CTNNA3: variants seen among roughly 807,000 people sequenced by gnomAD.
The protein encoded by CTNNA3 is catenin alpha-3.
Under a neutral mutation model 95.7 loss-of-function variants are expected in CTNNA3, and 76 were observed. The observed-to-expected ratio is 0.79, with a 90% CI of 0.66 to 0.96. CTNNA3 has a LOEUF of 0.96. CTNNA3 is among the 40% of genes least tolerant of loss of function. The pLI is 0.00. For synonymous variants in CTNNA3, 431 were observed against 374.4 expected (o/e 1.15, Z -1.74); for missense variants, 1,191 against 1,089.8 (o/e 1.09, Z -1.31).
chr10:66,099,207 G>A lies in CTNNA3; in HGVS notation c.1977+3950C>T, dbSNP rs1169430934. Among the ~76,000 whole-genome samples the A allele has an allele frequency of 3.3e-5, 5 of 152,168 alleles. No individual in the cohort carries two copies. In the East Asian group the frequency reaches 7.7e-4, roughly 23 times the overall value. On this transcript the variant is annotated intron_variant, in intron 14 of 17. Transcript: ENST00000433211. Reference sequence around the variant, plus strand: ...GAAATCCATTTACTCATCTTGTGCTGTGACCCCAAATTCCACACTGAGCAT... The same window carrying A: ...GAAATCCATTTACTCATCTTGTGCTATGACCCCAAATTCCACACTGAGCAT...
chr10:67,715,330 A>T (rs1485024453), intron 1 of CTNNA3, among the ~76,000 whole-genome samples: 1 of 152,144 alleles, frequency 6.6e-6, no homozygotes, highest in African/African-American at 2.4e-5. Context: ...CAATTTTAGC[A>T]ATGAACAGTG....
intron 7 of CTNNA3, among the ~76,000 whole-genome samples, chr10:67,051,624 T>C (rs1477058336): frequency 6.6e-6 from 1 of 152,052 alleles, no homozygotes; most frequent in Non-Finnish European, 1.5e-5. Context: ...TGAGATGGTC[T>C]TGATCTTTTG....
At chr10:66,760,018 C>T (rs1265621433) in intron 9 of CTNNA3, among the ~76,000 whole-genome samples, 1 of 152,048 alleles carries the variant, frequency 6.6e-6, no homozygotes, top group African/African-American at 2.4e-5. Context: ...GGGGCACTTG[C>T]TTTTCTGTTT....
chr10:67,401,212 C>A (rs977051403), intron 5 of CTNNA3, among the ~76,000 whole-genome samples: 1 of 152,170 alleles, frequency 6.6e-6, no homozygotes, highest in Admixed American at 6.5e-5. Flanking sequence ...TGATCTTGAA[C>A]TCCTGAGCCT....
chr10:66,470,869 T>G (rs1839103294), intron 11 of CTNNA3, among the ~76,000 whole-genome samples: 1 of 151,844 alleles, frequency 6.6e-6, no homozygotes, highest in African/African-American at 2.4e-5. Flanking sequence ...AATATGTATA[T>G]CTGAAGGACT....
chr10:67,158,667 TAGG>T (rs982557563), intron 7 of CTNNA3, among the ~76,000 whole-genome samples: 3 of 152,154 alleles, frequency 2.0e-5, no homozygotes, highest in Non-Finnish European at 4.4e-5. Flanking sequence ...TTCCCAGCAC[TAGG>T]AGAACTTAAA....
rs1389964186 is a variant in CTNNA3 at position 65,918,945 on chromosome 10, A to G, written c.*1385T>C. 1 of 152,146 alleles carries G rather than the reference A, an allele frequency of 6.6e-6. No homozygotes were observed. The highest frequency in any genetic ancestry group is 1.5e-5 in the Non-Finnish European group (1 of 68,010). 9.4% of individuals were successfully genotyped at this position (152,146 alleles called of 1,614,324 possible). A position where few individuals can be genotyped will look rare whatever the true frequency, so the allele number is the denominator to read the frequency against. On this transcript the variant is annotated 3_prime_UTR_variant, in exon 18 of 18. Coordinates refer to ENST00000433211, the MANE Select transcript of CTNNA3 (RefSeq NM_013266.4). ...TTTTTTCTCATCAATCTAAGGTTAC[A>G]TCGTTGCTGAGACGCCTCTCATCAA...
chr10:66,029,826 A>G (rs776819620), intron 15 of CTNNA3, among the ~76,000 whole-genome samples: 1 of 152,240 alleles, frequency 6.6e-6, no homozygotes, highest in Non-Finnish European at 1.5e-5. Context: ...AAATAAATGA[A>G]GAAGTTCTTC....
chr10:67,584,755 G>T (rs991905104), intron 3 of CTNNA3, among the ~76,000 whole-genome samples: 2 of 152,174 alleles, frequency 1.3e-5, no homozygotes, highest in Non-Finnish European at 2.9e-5. Flanking sequence ...ACCTATTCAA[G>T]CCTCAGCAAT....
At chr10:66,344,257 T>TTTG (rs1049920158) in intron 12 of CTNNA3, among the ~76,000 whole-genome samples, 1 of 150,686 alleles carries the variant, frequency 6.6e-6, no homozygotes, top group Non-Finnish European at 1.5e-5. Flanking sequence ...GCAATGTGTT[T>TTTG]TTGTTGTTGT....
Position 66,676,616 on chromosome 10 carries a change from C to A in CTNNA3, c.1282-54832G>T, listed in dbSNP as rs151236679. The stretch of plus-strand genomic sequence containing the variant: ...TCTCTCTCTTTCTCCCTCTCACAAC[C>A]AGCTATGGTCCTAGGACTCAGGAGG... On this transcript the variant is annotated intron_variant, in intron 9 of 17. Transcript: ENST00000433211. 1.8e-3 allele frequency among the ~76,000 whole-genome samples: 267 copies of A among 152,130 alleles called. 2 individuals carry two copies. The highest frequency in any genetic ancestry group is 6.3e-3 in the African/African-American group (261 of 41,522).
chr10:66,869,512 G>A (rs1338207376), intron 7 of CTNNA3, among the ~76,000 whole-genome samples: 1 of 152,082 alleles, frequency 6.6e-6, no homozygotes, highest in Non-Finnish European at 1.5e-5. Context: ...GGCGGAGGTT[G>A]CAGTGAGCCA....
chr10:66,377,654 T>TAAA lies in CTNNA3; in HGVS notation c.1732+1495_1732+1497dup, dbSNP rs150796926. 4.1e-5 allele frequency among the ~76,000 whole-genome samples: 6 copies of TAAA among 146,702 alleles called. No homozygotes were observed. The East Asian group carries it at 5.9e-4, about 14-fold the overall frequency. ...TCCTGATAGGAAATTTTTATTTGTCTAAAAAAAAAACCCCTGTTACATTCT... is the reference window on the plus strand; with the variant it reads ...TCCTGATAGGAAATTTTTATTTGTCTAAAAAAAAAAAAACCCCTGTTACATTCT... On this transcript the variant is annotated intron_variant, in intron 12 of 17. Coordinates refer to ENST00000433211, the MANE Select transcript of CTNNA3 (RefSeq NM_013266.4).
intron 13 of CTNNA3, among the ~76,000 whole-genome samples, chr10:66,263,016 C>G (rs1328409867): frequency 6.6e-6 from 1 of 151,800 alleles, no homozygotes; most frequent in African/African-American, 2.4e-5. Flanking sequence ...ACTTTCTTCT[C>G]AAAGTGATTT....
intron 5 of CTNNA3, among the ~76,000 whole-genome samples, chr10:67,313,431 CAAA>C (rs547368376): frequency 2.0e-5 from 3 of 146,702 alleles, no homozygotes; most frequent in African/African-American, 5.2e-5. Flanking sequence ...GAATCCGTCT[CAAA>C]AAAAAAAAAA....
chr10:67,127,380 A>C (rs944570408), intron 7 of CTNNA3, among the ~76,000 whole-genome samples: 5 of 152,190 alleles, frequency 3.3e-5, no homozygotes, highest in Non-Finnish European at 5.9e-5. Context: ...TAGGAGAAAG[A>C]CCATTCTCAA....
At chr10:67,496,923 T>C (rs1839041458) in intron 5 of CTNNA3, among the ~76,000 whole-genome samples, 1 of 152,200 alleles carries the variant, frequency 6.6e-6, no homozygotes, top group Admixed American at 6.5e-5. Context: ...GCATAAACTA[T>C]GTGTCTATCT....
At chr10:67,172,451 C>T (rs565629238) in intron 7 of CTNNA3, among the ~76,000 whole-genome samples, 2 of 152,260 alleles carry the variant, frequency 1.3e-5, no homozygotes, top group Non-Finnish European at 2.9e-5. Context: ...ATAGCCCATA[C>T]AAAATCTGTC....
chr10:67,659,369 T>G (rs919113763), intron 1 of CTNNA3, among the ~76,000 whole-genome samples: 1 of 152,226 alleles, frequency 6.6e-6, no homozygotes, highest in African/African-American at 2.4e-5. Context: ...CAGTTCATAC[T>G]AAAAGCTCAC....
Sources: allele counts gnomAD v4.1 joint callset (sites outside exome capture counted in the v4.1 genomes callset), GRCh38; gene constraint gnomAD v4.1.1; transcripts MANE v1.5; gene names NCBI Gene and HGNC (gene_info 2026-07-23, HGNC 2026-07-21).